PTPRK: variants seen among roughly 807,000 people sequenced by gnomAD.
The protein encoded by PTPRK is receptor-type tyrosine-protein phosphatase kappa.
A neutral mutation model predicts 178.0 loss-of-function variants in PTPRK; 75 were observed. The ratio of observed to expected loss-of-function variants is 0.42; its 90% CI spans 0.35 to 0.51. PTPRK has a LOEUF of 0.51. PTPRK is among the 20% of genes least tolerant of loss of function. PTPRK has a pLI of 0.02. For missense variants in PTPRK, 1,441 were observed against 1,797.8 expected, an observed-to-expected ratio of 0.80 and a Z score of 3.59; for synonymous variants, 637 against 620.6, an observed-to-expected ratio of 1.03 and a Z score of -0.39.
chr6:128,218,460 G>C (rs1386120092), intron 6 of PTPRK, among the ~76,000 whole-genome samples: 1 of 152,124 alleles, frequency 6.6e-6, no homozygotes, highest in South Asian at 2.1e-4. Context: ...GATTCTATAA[G>C]AGACATGCAT....
At chr6:128,114,894 T>C (rs1281782401) in intron 7 of PTPRK, among the ~76,000 whole-genome samples, 1 of 152,034 alleles carries the variant, frequency 6.6e-6, no homozygotes, top group Non-Finnish European at 1.5e-5. Flanking sequence ...GTGGCATTTA[T>C]GTCAACTTGT....
At chr6:128,212,309 A>G (rs1808342945) in intron 6 of PTPRK, among the ~76,000 whole-genome samples, 1 of 152,072 alleles carries the variant, frequency 6.6e-6, no homozygotes, top group Admixed American at 6.6e-5. Context: ...TAAGAACTCA[A>G]TAAAGGCTGC....
intron 7 of PTPRK, among the ~76,000 whole-genome samples, chr6:128,137,486 A>T (rs1421157951): frequency 6.6e-6 from 1 of 152,200 alleles, no homozygotes; most frequent in African/African-American, 2.4e-5. Context: ...GTAGGAAAAC[A>T]ATTCCAGAAT....
At chr6:128,285,613 A>G (rs1393618499) in intron 3 of PTPRK, among the ~76,000 whole-genome samples, 1 of 152,014 alleles carries the variant, frequency 6.6e-6, no homozygotes, top group African/African-American at 2.4e-5. Context: ...GGTGGAGACC[A>G]GCCTGGCTTG....
chr6:128,396,863 C>T (rs1840376818), intron 2 of PTPRK, among the ~76,000 whole-genome samples: 4 of 151,870 alleles, frequency 2.6e-5, no homozygotes, highest in African/African-American at 9.7e-5. Flanking sequence ...CTGGGCGTGG[C>T]AGTGCACGCC....
At chr6:128,181,878 C>A (rs998389502) in intron 7 of PTPRK, among the ~76,000 whole-genome samples, 5 of 152,052 alleles carry the variant, frequency 3.3e-5, no homozygotes, top group Non-Finnish European at 5.9e-5. Flanking sequence ...TTTTTATAGA[C>A]TGTTTAAAAA....
At chr6:128,053,148 GAACACACACA>G (rs1209710335) in intron 13 of PTPRK, among the ~76,000 whole-genome samples, 13 of 41,274 alleles carry the variant, frequency 3.1e-4, no homozygotes, top group African/African-American at 1.4e-3. Flanking sequence ...TATGTGTATG[GAACACACACA>G]CACACACACA....
chr6:128,031,668 T>C (rs1374744111), intron 13 of PTPRK, among the ~76,000 whole-genome samples: 1 of 152,192 alleles, frequency 6.6e-6, no homozygotes, highest in Non-Finnish European at 1.5e-5. Context: ...TCCTTTCCCC[T>C]AACAACCCAA....
chr6:128,193,258 T>C (rs1410316556), intron 6 of PTPRK, among the ~76,000 whole-genome samples: 1 of 85,750 alleles, frequency 1.2e-5, no homozygotes, highest in Non-Finnish European at 2.1e-5. Context: ...CCAAGTGGAA[T>C]CAAATGATTT....
chr6:128,360,158 C>T lies in PTPRK; in HGVS notation c.223+37408G>A, dbSNP rs186555443. Among the ~76,000 whole-genome samples, 9 of 152,234 alleles carry T rather than the reference C, an allele frequency of 5.9e-5. No individual in the cohort carries two copies. The South Asian group carries it at 1.0e-3, about 18-fold the overall frequency. ...CCATGATCTTCTGAGAATGACAGCG[C>T]TTAAGAGATCATTTCATAAAATCAC... On this transcript the variant is annotated intron_variant, in intron 2 of 29. Transcript: ENST00000368226.
At chr6:128,397,742 G>A (rs1425514441) in intron 1 of PTPRK, 54 bp from the exon 2 acceptor site, 2 of 1,543,412 alleles carry the variant, frequency 1.3e-6, no homozygotes, top group South Asian at 1.1e-5. Flanking sequence ...CAAACATAAC[G>A]AAAGTTCTGG....
chr6:128,037,428 C>CA (rs5879872), intron 13 of PTPRK, among the ~76,000 whole-genome samples: 36,161 of 152,022 alleles, frequency 0.24, 5,954 homozygotes, highest in African/African-American at 0.47. Flanking sequence ...GCAAGTCAGT[C>CA]CTCTGAGAGA....
At chr6:128,302,715 T>C (rs1293861386) in intron 3 of PTPRK, among the ~76,000 whole-genome samples, 1 of 152,186 alleles carries the variant, frequency 6.6e-6, no homozygotes, top group African/African-American at 2.4e-5. Flanking sequence ...CTGGCTCTTC[T>C]ATAGACTATC....
At chr6:128,367,136 T>C (rs891005906) in intron 2 of PTPRK, among the ~76,000 whole-genome samples, 1 of 152,150 alleles carries the variant, frequency 6.6e-6, no homozygotes, top group Non-Finnish European at 1.5e-5. Context: ...TCTACTACTC[T>C]GTTGACTTTT....
chr6:128,019,912 T>C (rs1026913964), intron 13 of PTPRK, among the ~76,000 whole-genome samples: 1 of 152,096 alleles, frequency 6.6e-6, no homozygotes, highest in African/African-American at 2.4e-5. Context: ...TTTTTTTAAG[T>C]TGAGGAACTG....
chr6:128,090,075 G>A, intron 7 of PTPRK, 83 bp from the exon 8 acceptor site: 1 of 1,063,444 alleles, frequency 9.4e-7, no homozygotes, highest in Non-Finnish European at 1.4e-6. Context: ...GTATAATATA[G>A]CATATGCAAA....
Position 128,049,145 on chromosome 6 carries a change from T to C in PTPRK, c.2194+15613A>G, listed in dbSNP as rs78959772. On this transcript the variant is annotated intron_variant, in intron 13 of 29. Transcript: ENST00000368226. The stretch of plus-strand genomic sequence containing the variant: ...ACCTATATTAGAAATTTTTCCATTC[T>C]ATCAGATTTCATAGCTTTTATCTAT... Among the ~76,000 whole-genome samples, 991 of 152,326 alleles carry C rather than the reference T, an allele frequency of 6.5e-3. 24 individuals are homozygous for C. The highest frequency in any genetic ancestry group is 0.061 in the East Asian group (318 of 5,184).
intron 6 of PTPRK, among the ~76,000 whole-genome samples, chr6:128,213,514 C>G (rs1808639570): frequency 6.6e-6 from 1 of 151,930 alleles, no homozygotes; most frequent in African/African-American, 2.4e-5. Context: ...ATTACATTCT[C>G]CAAGATAATT....
chr6:128,480,868 C>T (rs1851986120), intron 1 of PTPRK, among the ~76,000 whole-genome samples: 1 of 152,172 alleles, frequency 6.6e-6, no homozygotes, highest in Admixed American at 6.6e-5. Flanking sequence ...AACCTAAAAT[C>T]TTACACTGTA....
Sources: allele counts gnomAD v4.1 joint callset (sites outside exome capture counted in the v4.1 genomes callset), GRCh38; gene constraint gnomAD v4.1.1; transcripts MANE v1.5; gene names NCBI Gene and HGNC (gene_info 2026-07-23, HGNC 2026-07-21).